PGAP1: variants seen among roughly 807,000 people sequenced by gnomAD.
PGAP1 encodes GPI inositol-deacylase.
Under a neutral mutation model 127.0 loss-of-function variants are expected in PGAP1, and 76 were observed. The ratio of observed to expected loss-of-function variants is 0.60; its 90% CI spans 0.50 to 0.72. The LOEUF (loss-of-function observed/expected upper bound fraction) is 0.72, where lower values mean the gene tolerates loss of function less well. Among genes scored for constraint, PGAP1 ranks in the 30% least tolerant of loss-of-function variants. The pLI, the probability that PGAP1 is intolerant of heterozygous loss-of-function variation, is 0.00. For missense variants in PGAP1, 982 were observed against 1,071.3 expected, an observed-to-expected ratio of 0.92 and a Z score of 1.16; for synonymous variants, 362 against 366.5, an observed-to-expected ratio of 0.99 and a Z score of 0.14.
intron 23 of PGAP1, among the ~76,000 whole-genome samples, 187 bp from the exon 24 acceptor site, chr2:196,844,761 AAAAC>A (rs200377137): frequency 6.6e-6 from 1 of 152,160 alleles, no homozygotes; most frequent in African/African-American, 2.4e-5. Context: ...CATGGATTAA[AAAAC>A]AAACAAAAGC....
intron 16 of PGAP1, among the ~76,000 whole-genome samples, chr2:196,873,307 T>C (rs1280630642): frequency 1.3e-5 from 2 of 152,114 alleles, no homozygotes; most frequent in African/African-American, 2.4e-5. Flanking sequence ...ATGGCATTTT[T>C]AAAATGTGGA....
chr2:196,898,241 C>A, intron 6 of PGAP1, 76 bp downstream of exon 6: 4 of 1,029,646 alleles, frequency 3.9e-6, no homozygotes, highest in Non-Finnish European at 2.9e-6. Context: ...AGTTAACAAG[C>A]CAATTAAATT....
At chr2:196,873,797 G>C in intron 14 of PGAP1, 39 bp from the exon 15 acceptor site, 1 of 1,391,928 alleles carries the variant, frequency 7.2e-7, no homozygotes, top group Non-Finnish European at 1.0e-6. Flanking sequence ...AGAATATCAA[G>C]GAAGTTTTTA....
intron 19 of PGAP1, among the ~76,000 whole-genome samples, chr2:196,866,349 C>G (rs779283794): frequency 3.3e-5 from 5 of 152,136 alleles, no homozygotes; most frequent in Non-Finnish European, 5.9e-5. Context: ...TTTGACAAAC[C>G]TGACAAAGAC....
chr2:196,893,115 A>G, intron 8 of PGAP1, 25 bp downstream of exon 8: 1 of 1,359,258 alleles, frequency 7.4e-7, no homozygotes, highest in Non-Finnish European at 1.0e-6. Flanking sequence ...TTCATTTAAA[A>G]TTAAAATATG....
chr2:196,881,422 T>C (rs1701726949), intron 12 of PGAP1, among the ~76,000 whole-genome samples: 2 of 152,234 alleles, frequency 1.3e-5, no homozygotes. Flanking sequence ...TTTCTATTTT[T>C]AGGTCTTCAA....
chr2:196,898,256 C>A, intron 6 of PGAP1, 61 bp downstream of exon 6: 1 of 1,123,830 alleles, frequency 8.9e-7, no homozygotes, highest in Non-Finnish European at 1.3e-6. Flanking sequence ...TAAATTACTG[C>A]ATTGAGGAGA....
chr2:196,890,667 A>T (rs1252158100), intron 10 of PGAP1, among the ~76,000 whole-genome samples, 161 bp downstream of exon 10: 8 of 152,274 alleles, frequency 5.3e-5, no homozygotes, highest in Non-Finnish European at 1.0e-4. Context: ...TAAAAAAAAA[A>T]TTTGATCAAT....
chr2:196,889,400 C>G (rs1038337652), intron 10 of PGAP1, among the ~76,000 whole-genome samples: 5 of 151,554 alleles, frequency 3.3e-5, no homozygotes, highest in Non-Finnish European at 7.4e-5. Flanking sequence ...ACTATATAAT[C>G]AAATGTCAGC....
rs1176994670 is a variant in PGAP1, at chr2:196,879,988, C to A, written c.1350+88G>T. The A allele has an allele frequency of 3.3e-6, 3 of 900,564 alleles. No homozygotes were observed. The African/African-American group carries it at 5.0e-5, about 15-fold the overall frequency. 55.8% of individuals were successfully genotyped at this position (900,564 alleles called of 1,614,324 possible). On this transcript the variant is annotated intron_variant, in intron 13 of 26. Transcript: ENST00000354764. ...CAAACTGGCTACTGTTTTAGATAAA[C>A]TGTGCAGAAAAACTCATTGAAAAAG...
Position 196,926,578 on chromosome 2 carries a change from A to C in PGAP1, c.39T>G (p.Phe13Leu). The change falls in exon 1 of 27, where the codon TTT (phenylalanine) becomes TTG (leucine). Residue 13 changes from phenylalanine to leucine, a missense_variant. Coordinates refer to ENST00000354764, the MANE Select transcript of PGAP1 (RefSeq NM_024989.4). ...TTGCCAGAAAGACCATGAAGACATA[A>C]AACGCCAGGTTCCAGAGATTAACTG... ...LHSVNLWNLA[F>L]YVFMVFLATL... 1 of 1,613,882 alleles carries C rather than the reference A, an allele frequency of 6.2e-7. No homozygotes were observed. Among genetic ancestry groups the C allele is most frequent in the Non-Finnish European group, 8.5e-7 (1 of 1,179,878 alleles).
chr2:196,890,410 T>C (rs1702060224), intron 10 of PGAP1, among the ~76,000 whole-genome samples: 1 of 152,196 alleles, frequency 6.6e-6, no homozygotes, highest in Non-Finnish European at 1.5e-5. Flanking sequence ...TTAGAGAATA[T>C]TTGGTATAAA....
At chr2:196,890,076 G>A (rs1390361357) in intron 10 of PGAP1, among the ~76,000 whole-genome samples, 1 of 151,888 alleles carries the variant, frequency 6.6e-6, no homozygotes, top group Non-Finnish European at 1.5e-5. Context: ...AGAAACTACA[G>A]GTGCTACCAC....
At chr2:196,918,787 T>C (rs1703093429) in intron 2 of PGAP1, among the ~76,000 whole-genome samples, 1 of 152,092 alleles carries the variant, frequency 6.6e-6, no homozygotes, top group Admixed American at 6.6e-5. Flanking sequence ...TTGACTAGGG[T>C]TTTGGTTTCA....
At chr2:196,881,223 G>C (rs972147627) in intron 12 of PGAP1, among the ~76,000 whole-genome samples, 3 of 152,174 alleles carry the variant, frequency 2.0e-5, no homozygotes, top group South Asian at 2.1e-4. Flanking sequence ...TGGCTGCATA[G>C]TATTCCATGG....
In PGAP1 at chr2:196,857,294, T is replaced by C. The variant is rs181313072; in HGVS notation, c.1861+7693A>G. On this transcript the variant is annotated intron_variant, in intron 20 of 26. Coordinates refer to ENST00000354764, the MANE Select transcript of PGAP1 (RefSeq NM_024989.4). ...AGAAATACAACTCCTAACAGTTTAA[T>C]GCTGGCCCAGCACTTTGAAATGATG... Among the ~76,000 whole-genome samples, 226 of 152,354 alleles carry C rather than the reference T, an allele frequency of 1.5e-3. 1 individual carries two copies. The highest frequency in any genetic ancestry group is 5.3e-3 in the African/African-American group (219 of 41,586).
intron 18 of PGAP1, among the ~76,000 whole-genome samples, chr2:196,871,747 T>C (rs7606411): frequency 3.9e-4 from 60 of 152,300 alleles, no homozygotes; most frequent in African/African-American, 1.4e-3. Flanking sequence ...CTTGAAAAGT[T>C]AGTTCTAACA....
intron 20 of PGAP1, among the ~76,000 whole-genome samples, chr2:196,862,345 C>G (rs191563748): frequency 2.4e-4 from 37 of 152,154 alleles, no homozygotes; most frequent in Admixed American, 1.7e-3. Context: ...TTTGATCAGA[C>G]CAGTTGCTCT....
chr2:196,895,673 CT>C (rs1323259954), intron 7 of PGAP1, among the ~76,000 whole-genome samples: 2 of 152,186 alleles, frequency 1.3e-5, no homozygotes, highest in Non-Finnish European at 2.9e-5. Flanking sequence ...ATCTATGATT[CT>C]CTCTAAGAGT....
Sources: allele counts gnomAD v4.1 joint callset (sites outside exome capture counted in the v4.1 genomes callset), GRCh38; gene constraint gnomAD v4.1.1; transcripts MANE v1.5; gene names NCBI Gene and HGNC (gene_info 2026-07-23, HGNC 2026-07-21).